The following TTLL9 variants were observed in gnomAD, a reference collection of about 807,000 sequenced individuals.
TTLL9 encodes tubulin tyrosine ligase like 9, also known as probable tubulin polyglutamylase TTLL9.
Under a neutral mutation model 65.6 loss-of-function variants are expected in TTLL9, and 47 were observed. The observed-to-expected ratio is 0.72, with a 90% CI of 0.57 to 0.91. The LOEUF is 0.91. TTLL9 is among the 40% of genes least tolerant of loss of function. The pLI is 0.00. For synonymous variants in TTLL9, 179 were observed against 204.8 expected, an observed-to-expected ratio of 0.87 and a Z score of 1.07; for missense variants, 537 against 568.8, an observed-to-expected ratio of 0.94 and a Z score of 0.57.
chr20:31,943,020 G>C lies in TTLL9; in HGVS notation c.1319G>C (p.Ter440SerextTer44). Reference sequence around the variant, plus strand: ...CAAGTTCAGAAGAAAGCTTCCAGTTGATCCCCAGCTGCCAGGAGGAAATCA... The same window carrying C: ...CAAGTTCAGAAGAAAGCTTCCAGTTCATCCCCAGCTGCCAGGAGGAAATCA... ...SLQVQKKASS[*>S] Residue 440 changes from the stop codon to serine (S), a stop_lost, in exon 15 of 15, where the codon TGA becomes TCA. Coordinates refer to ENST00000535842, the MANE Select transcript of TTLL9 (RefSeq NM_001008409.5). 6.2e-7 allele frequency: 1 copy of C among 1,613,914 alleles called. No individual in the cohort carries two copies. The highest frequency in any genetic ancestry group is 1.1e-5 in the South Asian group (1 of 91,078).
chr20:31,908,635 G>C lies in TTLL9; in HGVS notation c.251G>C (p.Arg84Pro). 6.2e-7 allele frequency: 1 copy of C among 1,613,950 alleles called. No individual in the cohort carries two copies. Among genetic ancestry groups the C allele is most frequent in the Non-Finnish European group, 8.5e-7 (1 of 1,179,936 alleles). The change falls in exon 5 of 15, where the codon CGG (arginine) becomes CCG (proline). Residue 84 changes from arginine (R) to proline (P), a missense_variant. Arg to Pro is a moderately radical substitution (Grantham distance 103). Transcript: ENST00000535842. ...DFYWCDVSWL[R>P]ENFDHTYMDE... Reference sequence around the variant, plus strand: ...TACTGGTGTGACGTCAGCTGGCTCCGGGAGAACTTCGACCACACCTACATG... The same window carrying C: ...TACTGGTGTGACGTCAGCTGGCTCCCGGAGAACTTCGACCACACCTACATG...
intron 10 of TTLL9, among the ~76,000 whole-genome samples, chr20:31,930,454 T>C (rs2063990059): frequency 6.6e-6 from 1 of 152,266 alleles, no homozygotes; most frequent in Non-Finnish European, 1.5e-5. Flanking sequence ...CTAGGAACTT[T>C]GAGCTTTTTC....
chr20:31,916,809 C>A (rs569888500), intron 6 of TTLL9, among the ~76,000 whole-genome samples: 2 of 152,206 alleles, frequency 1.3e-5, no homozygotes, highest in African/African-American at 2.4e-5. Flanking sequence ...TCCCCAGCTC[C>A]TTCCCTAATA....
chr20:31,931,273 C>G (rs964800048), intron 10 of TTLL9, among the ~76,000 whole-genome samples: 1 of 151,776 alleles, frequency 6.6e-6, no homozygotes, highest in Non-Finnish European at 1.5e-5. Flanking sequence ...AGAGACTGGT[C>G]TCACTATGTT....
chr20:31,886,433 A>G (rs1271467077), intron 2 of TTLL9, among the ~76,000 whole-genome samples: 4 of 152,214 alleles, frequency 2.6e-5, no homozygotes, highest in Non-Finnish European at 5.9e-5. Flanking sequence ...TGAAAGGTCC[A>G]ATTGGGGTGA....
At chr20:31,884,878 T>C (rs1433712006) in intron 2 of TTLL9, among the ~76,000 whole-genome samples, 3 of 152,250 alleles carry the variant, frequency 2.0e-5, no homozygotes, top group Non-Finnish European at 4.4e-5. Flanking sequence ...GATCAGGACA[T>C]GGACATCTTT....
chr20:31,935,048 C>T (rs1222995071), intron 12 of TTLL9, among the ~76,000 whole-genome samples, 160 bp downstream of exon 12: 1 of 152,090 alleles, frequency 6.6e-6, no homozygotes, highest in Non-Finnish European at 1.5e-5. Flanking sequence ...TGGGGTTGGT[C>T]ATGACAGGAT....
chr20:31,936,990 C>T lies in TTLL9; in HGVS notation c.1005-406C>T, dbSNP rs138050728. Among the ~76,000 whole-genome samples, 1,047 of 150,210 alleles carry T rather than the reference C, an allele frequency of 7.0e-3. 12 individuals carry two copies. Among genetic ancestry groups the T allele is most frequent in the African/African-American group, 0.025 (1,019 of 40,678 alleles). ...GCAGGCACCTGTAATCCCAGCTATT[C>T]GGGAGGCTGAGGCAGGAGAATCACT... On this transcript the variant is annotated intron_variant, in intron 12 of 14. Coordinates refer to ENST00000535842, the MANE Select transcript of TTLL9 (RefSeq NM_001008409.5).
intron 3 of TTLL9, among the ~76,000 whole-genome samples, chr20:31,892,177 ACTTT>A (rs1470917636): frequency 4.7e-5 from 7 of 149,250 alleles, no homozygotes; most frequent in African/African-American, 1.5e-4. Context: ...GGTAGCATAA[ACTTT>A]CTTTTTTTTT....
intron 6 of TTLL9, among the ~76,000 whole-genome samples, chr20:31,910,217 C>A (rs2063626344): frequency 6.6e-6 from 1 of 152,192 alleles, no homozygotes; most frequent in Non-Finnish European, 1.5e-5. Context: ...TTACCCCAGT[C>A]CTCATAGTGA....
At chr20:31,923,812 C>A (rs1321586733) in intron 8 of TTLL9, among the ~76,000 whole-genome samples, 1 of 152,056 alleles carries the variant, frequency 6.6e-6, no homozygotes, top group Non-Finnish European at 1.5e-5. Flanking sequence ...AGCCCCTGGG[C>A]CTCTTCTCCT....
intron 3 of TTLL9, among the ~76,000 whole-genome samples, chr20:31,890,102 CT>C (rs1301859461): frequency 0.037 from 1,441 of 38,712 alleles, 103 homozygotes; most frequent in Middle Eastern, 0.05. Context: ...CTTTCCCTCC[CT>C]TCCTTCCTTC....
intron 14 of TTLL9, chr20:31,941,287 C>A (rs1039731365): frequency 6.6e-6 from 1 of 151,350 alleles, no homozygotes; most frequent in Non-Finnish European, 1.5e-5. Flanking sequence ...AGCAAAGTCA[C>A]CTTGCACAGA....
At chr20:31,879,868 C>A (rs951916267) in intron 2 of TTLL9, 28 of 1,550,358 alleles carry the variant, frequency 1.8e-5, no homozygotes, top group Non-Finnish European at 2.3e-5. Flanking sequence ...GATCTGGCCC[C>A]TGGGGAATCG....
intron 2 of TTLL9, among the ~76,000 whole-genome samples, chr20:31,871,870 CAAGTT>C (rs2062938822): frequency 6.6e-6 from 1 of 152,246 alleles, no homozygotes; most frequent in African/African-American, 2.4e-5. Flanking sequence ...AAAGTAGAAA[CAAGTT>C]AATTGTTGAT....
chr20:31,914,154 C>A (rs1321431806), intron 6 of TTLL9, among the ~76,000 whole-genome samples: 1 of 152,256 alleles, frequency 6.6e-6, no homozygotes, highest in Admixed American at 6.5e-5. Flanking sequence ...AACATTCCAT[C>A]ACACTAGTTT....
chr20:31,879,045 G>A (rs911766234), intron 2 of TTLL9, among the ~76,000 whole-genome samples: 1 of 152,160 alleles, frequency 6.6e-6, no homozygotes, highest in Admixed American at 6.6e-5. Context: ...TGAGCTGGCC[G>A]GGTGCAGTGG....
At chr20:31,894,049 T>C (rs528714141) in intron 3 of TTLL9, among the ~76,000 whole-genome samples, 13 of 152,078 alleles carry the variant, frequency 8.5e-5, no homozygotes, top group Middle Eastern at 3.4e-3. Flanking sequence ...TCCATTGAAC[T>C]TTCAATTTCA....
intron 11 of TTLL9, chr20:31,934,373 C>G (rs2064072025): frequency 1.8e-6 from 1 of 546,962 alleles, no homozygotes. Context: ...AAATGGCAGC[C>G]TGTCGGTCAC....
Sources: allele counts gnomAD v4.1 joint callset (sites outside exome capture counted in the v4.1 genomes callset), GRCh38; gene constraint gnomAD v4.1.1; transcripts MANE v1.5; gene names NCBI Gene and HGNC (gene_info 2026-07-23, HGNC 2026-07-21).